The following NXPE2 variants were observed in gnomAD, a reference collection of about 807,000 sequenced individuals.
NXPE2 encodes NXPE family member 2.
Under a neutral mutation model 34.4 loss-of-function variants are expected in NXPE2, and 34 were observed. That is an observed-to-expected ratio of 0.99 (90% CI 0.75 to 1.31). The LOEUF is 1.31. NXPE2 is among the 40% of genes most tolerant of loss of function. NXPE2 has a pLI of 0.00. For synonymous variants in NXPE2, 235 were observed against 231.3 expected (o/e 1.02, Z -0.15); for missense variants, 649 against 672.5 (o/e 0.97, Z 0.39).
chr11:114,531,042 G>GAA, the NXPE2 span: 1 of 938,994 alleles, frequency 1.1e-6, no homozygotes, highest in Non-Finnish European at 1.5e-6. Flanking sequence ...TGAATATTTG[G>GAA]TAATAAAGTG....
chr11:114,769,957 T>C, the NXPE2 span, among the ~76,000 whole-genome samples: 1 of 152,134 alleles, frequency 6.6e-6, no homozygotes, highest in Non-Finnish European at 1.5e-5. Context: ...ACTTAAAGTA[T>C]AATTTTGAAA....
the NXPE2 span, among the ~76,000 whole-genome samples, chr11:114,581,305 G>A: frequency 6.6e-6 from 1 of 151,998 alleles, no homozygotes; most frequent in Non-Finnish European, 1.5e-5. Flanking sequence ...CAAGAGGGAG[G>A]GGTTATAATA....
At chr11:114,478,432 T>G in the NXPE2 span, among the ~76,000 whole-genome samples, 1 of 152,152 alleles carries the variant, frequency 6.6e-6, no homozygotes, top group Non-Finnish European at 1.5e-5. Flanking sequence ...CAATTGCAAA[T>G]TTTCTAAAGG....
chr11:114,782,432 G>A, the NXPE2 span, among the ~76,000 whole-genome samples: 4 of 152,156 alleles, frequency 2.6e-5, no homozygotes, highest in African/African-American at 9.7e-5. Context: ...TCTTGGAAAA[G>A]GCACCAAACT....
the NXPE2 span, among the ~76,000 whole-genome samples, chr11:114,491,190 G>C: frequency 6.9e-6 from 1 of 143,892 alleles, no homozygotes; most frequent in African/African-American, 2.6e-5. Flanking sequence ...AAGAGTTTCT[G>C]CACAGCCAAA....
chr11:114,577,806 TCTTTAAATTCC>T, the NXPE2 span, among the ~76,000 whole-genome samples: 1 of 152,192 alleles, frequency 6.6e-6, no homozygotes, highest in Admixed American at 6.5e-5. Flanking sequence ...CCCCAGCCAC[TCTTTAAATTCC>T]CTCAAGACTG....
chr11:114,617,036 CCT>C, the NXPE2 span, among the ~76,000 whole-genome samples: 1 of 151,440 alleles, frequency 6.6e-6, no homozygotes, highest in African/African-American at 2.4e-5. Flanking sequence ...TCGTGGGTAA[CCT>C]CTGTTACCCA....
chr11:114,713,187 G>A, the NXPE2 span, among the ~76,000 whole-genome samples: 2 of 152,094 alleles, frequency 1.3e-5, no homozygotes, highest in African/African-American at 4.8e-5. Flanking sequence ...ATGTTCTAGA[G>A]ATCTGTTGCA....
the NXPE2 span, among the ~76,000 whole-genome samples, chr11:114,632,741 A>AATATAATATATC: frequency 1.5e-5 from 1 of 66,372 alleles, no homozygotes; most frequent in Non-Finnish European, 2.6e-5. Context: ...ATATATATAA[A>AATATAATATATC]ATATATTATA....
chr11:114,736,737 T>G, the NXPE2 span, among the ~76,000 whole-genome samples: 2 of 152,182 alleles, frequency 1.3e-5, no homozygotes, highest in Non-Finnish European at 2.9e-5. Context: ...GTGATAAGTG[T>G]CCATGAAATC....
chr11:114,803,583 T>TCC, the NXPE2 span, among the ~76,000 whole-genome samples: 1 of 122,706 alleles, frequency 8.1e-6, no homozygotes, highest in African/African-American at 3.1e-5. Context: ...TCTCTCTCTC[T>TCC]CTTTTTTTTT....
chr11:114,601,955 ATAT>A, the NXPE2 span, among the ~76,000 whole-genome samples: 502 of 80,500 alleles, frequency 6.2e-3, 8 homozygotes, highest in African/African-American at 0.022. Context: ...ATTATATATA[ATAT>A]TATATATTAT....
the NXPE2 span, among the ~76,000 whole-genome samples, chr11:114,615,579 CTGG>C: frequency 6.6e-6 from 1 of 150,884 alleles, no homozygotes; most frequent in Admixed American, 6.6e-5. Flanking sequence ...CCACCTTTAC[CTGG>C]TGAATAATAT....
the NXPE2 span, among the ~76,000 whole-genome samples, chr11:114,600,855 C>G: frequency 1.3e-5 from 2 of 152,020 alleles, no homozygotes; most frequent in Non-Finnish European, 2.9e-5. Flanking sequence ...TATTTTGAAA[C>G]TTTTCTATAA....
chr11:114,519,132 A>C, the NXPE2 span, among the ~76,000 whole-genome samples: 2 of 152,226 alleles, frequency 1.3e-5, no homozygotes, highest in Non-Finnish European at 1.5e-5. Flanking sequence ...CACACGTTTT[A>C]TGAGCCTTTT....
the NXPE2 span, among the ~76,000 whole-genome samples, chr11:114,768,263 G>T: frequency 8.5e-5 from 13 of 152,194 alleles, no homozygotes; most frequent in Admixed American, 7.8e-4. Flanking sequence ...CTGTTCCATT[G>T]GTCTATATAT....
chr11:114,675,995 G>C (rs1478763301), upstream of NXPE2, among the ~76,000 whole-genome samples: 1 of 151,888 alleles, frequency 6.6e-6, no homozygotes, highest in African/African-American at 2.4e-5. Context: ...AGCACACAAT[G>C]GAGAAAAGAC....
chr11:114,580,432 G>GATAGA, the NXPE2 span: 4 of 997,014 alleles, frequency 4.0e-6, no homozygotes, highest in Non-Finnish European at 6.2e-6. Context: ...ATCCTAAGAG[G>GATAGA]GGGTAAGGTG....
the NXPE2 span, among the ~76,000 whole-genome samples, chr11:114,544,401 A>T: frequency 6.6e-6 from 1 of 152,224 alleles, no homozygotes; most frequent in Non-Finnish European, 1.5e-5. Flanking sequence ...AGGGAACATA[A>T]TAGAAAGCCA....
Sources: gnomAD v4.1 joint callset for allele counts (sites outside exome capture counted in the v4.1 genomes callset) on GRCh38, gnomAD v4.1.1 for gene constraint, MANE v1.5 for transcripts, NCBI Gene and HGNC (gene_info 2026-07-23, HGNC 2026-07-21) for gene names.